Variants in BOLL observed in about 807,000 individuals in gnomAD.
BOLL encodes boule RNA binding protein.
A neutral mutation model predicts 44.4 loss-of-function variants in BOLL; 23 were observed. That is an observed-to-expected ratio of 0.52 (90% CI 0.37 to 0.73). The LOEUF is 0.73. BOLL is among the 30% of genes least tolerant of loss of function. The pLI is 0.00. For synonymous variants in BOLL, 97 were observed against 110.8 expected (o/e 0.88, Z 0.78); for missense variants, 287 against 338.3 (o/e 0.85, Z 1.19).
Position 197,771,853 on chromosome 2 carries a change from A to G in BOLL, c.480+2T>C. Reference sequence around the variant, plus strand: ...AATCCTTTTTTAAATGAAATTACTTACAGGCCAAGGCGGTGGGACCGAAGT... The same window carrying G: ...AATCCTTTTTTAAATGAAATTACTTGCAGGCCAAGGCGGTGGGACCGAAGT... On this transcript the variant is annotated splice_donor_variant, in intron 6 of 10. Transcript: ENST00000392296. LOFTEE classifies it high-confidence loss of function. The G allele has an allele frequency of 4.5e-6, 7 of 1,564,194 alleles. No homozygotes were observed. Among genetic ancestry groups the G allele is most frequent in the Non-Finnish European group, 6.0e-6 (7 of 1,160,022 alleles).
intron 1 of BOLL, among the ~76,000 whole-genome samples, chr2:197,783,148 T>C (rs1689882735): frequency 6.6e-6 from 1 of 152,136 alleles, no homozygotes; most frequent in African/African-American, 2.4e-5. Context: ...ATATCCTAAA[T>C]GTGTGCTTCA....
intron 6 of BOLL, among the ~76,000 whole-genome samples, chr2:197,769,497 C>G (rs1449678578): frequency 6.6e-6 from 1 of 152,024 alleles, no homozygotes; most frequent in African/African-American, 2.4e-5. Flanking sequence ...AAAGTTCTGG[C>G]CAGGGCAATC....
chr2:197,759,810 GC>G (rs1340637353), intron 7 of BOLL, among the ~76,000 whole-genome samples: 1 of 152,230 alleles, frequency 6.6e-6, no homozygotes, highest in Non-Finnish European at 1.5e-5. Context: ...CTGACATGCT[GC>G]CGGGATGGAA....
At chr2:197,763,429 C>T (rs1688852816) in intron 7 of BOLL, among the ~76,000 whole-genome samples, 1 of 140,170 alleles carries the variant, frequency 7.1e-6, no homozygotes, top group Non-Finnish European at 1.5e-5. Flanking sequence ...TTGCAGCGAG[C>T]AGAGATTGCA....
At chr2:197,757,431 A>T in intron 7 of BOLL, 31 bp from the exon 8 acceptor site, 1 of 1,586,590 alleles carries the variant, frequency 6.3e-7, no homozygotes, top group South Asian at 1.1e-5. Context: ...AGAAAAACCC[A>T]TTCTGATTAT....
intron 3 of BOLL, among the ~76,000 whole-genome samples, chr2:197,777,951 A>C (rs1215483351): frequency 1.3e-5 from 2 of 151,962 alleles, no homozygotes; most frequent in Non-Finnish European, 2.9e-5. Context: ...AACATTAAAA[A>C]GTTAAGGAAT....
chr2:197,743,229 C>A, intron 9 of BOLL, 70 bp from the exon 10 acceptor site: 1 of 1,106,338 alleles, frequency 9.0e-7, no homozygotes, highest in South Asian at 1.7e-5. Context: ...TCAGCATTTA[C>A]AATATACTAA....
chr2:197,730,639 AGAGAGTGGGGGCCAAT>A (rs1393846146), intron 10 of BOLL, among the ~76,000 whole-genome samples: 1 of 148,948 alleles, frequency 6.7e-6, no homozygotes, highest in Non-Finnish European at 1.5e-5. Context: ...ACAAGCCAGA[AGAGAGTGGGGGCCAAT>A]ATTCAACATT....
At position 197,728,454 on chromosome 2, in the gene BOLL, C is replaced by G; in HGVS notation, c.*101G>C. 6.3e-7 allele frequency: 1 copy of G among 1,576,738 alleles called. No individual in the cohort carries two copies. Among genetic ancestry groups the G allele is most frequent in the Non-Finnish European group, 8.7e-7 (1 of 1,147,308 alleles). On this transcript the variant is annotated 3_prime_UTR_variant, in exon 11 of 11. Transcript: ENST00000392296. Reference sequence around the variant, plus strand: ...AGGTATTAACTAACACTAAGTTTCACAACGGGCAGCTTCTAGCTGGTTCGT... The same window carrying G: ...AGGTATTAACTAACACTAAGTTTCAGAACGGGCAGCTTCTAGCTGGTTCGT...
chr2:197,768,060 C>T (rs1239898131), intron 6 of BOLL, among the ~76,000 whole-genome samples: 1 of 151,942 alleles, frequency 6.6e-6, no homozygotes, highest in Admixed American at 6.6e-5. Flanking sequence ...TAGATTATCA[C>T]TATTGAAAAA....
At chr2:197,754,955 C>T (rs1339661694) in intron 9 of BOLL, among the ~76,000 whole-genome samples, 1 of 152,124 alleles carries the variant, frequency 6.6e-6, no homozygotes, top group African/African-American at 2.4e-5. Flanking sequence ...TCAGAGTCAA[C>T]AGACAACCTA....
intron 9 of BOLL, among the ~76,000 whole-genome samples, chr2:197,745,593 C>T (rs1045338299): frequency 6.6e-6 from 1 of 152,102 alleles, no homozygotes; most frequent in Non-Finnish European, 1.5e-5. Flanking sequence ...AATGTAAAAG[C>T]ATTCTTATCT....
At chr2:197,773,719 G>A (rs1407126372) in intron 5 of BOLL, among the ~76,000 whole-genome samples, 2 of 151,856 alleles carry the variant, frequency 1.3e-5, no homozygotes, top group South Asian at 4.1e-4. Context: ...AGGCTACATG[G>A]CTAAAGCATG....
At chr2:197,736,079 C>T (rs1687470721) in intron 10 of BOLL, among the ~76,000 whole-genome samples, 1 of 152,088 alleles carries the variant, frequency 6.6e-6, no homozygotes, top group South Asian at 2.1e-4. Flanking sequence ...AACTATGCTA[C>T]TGTGGGCAAG....
intron 10 of BOLL, among the ~76,000 whole-genome samples, chr2:197,738,284 A>G (rs1440235197): frequency 6.6e-6 from 1 of 152,038 alleles, no homozygotes; most frequent in Admixed American, 6.6e-5. Context: ...GTCTCGCCAT[A>G]TTGCCAGGCT....
intron 7 of BOLL, among the ~76,000 whole-genome samples, chr2:197,763,639 C>A (rs1324092326): frequency 1.3e-5 from 2 of 152,062 alleles, no homozygotes; most frequent in African/African-American, 4.8e-5. Flanking sequence ...CCAAACTATT[C>A]CAAAAAATTG....
At chr2:197,782,142 A>T (rs185559473) in intron 1 of BOLL, among the ~76,000 whole-genome samples, 194 of 152,270 alleles carry the variant, frequency 1.3e-3, no homozygotes, top group African/African-American at 4.5e-3. Context: ...TTACTTAATT[A>T]TTAAGGGGAA....
rs539816949 is a variant in BOLL, at chr2:197,738,460, C to G, written c.828+4601G>C. Among the ~76,000 whole-genome samples the G allele has an allele frequency of 1.5e-4, 23 of 152,140 alleles. No homozygotes were observed. The East Asian group carries it at 4.4e-3, about 29-fold the overall frequency. ...TAGTATTATATTAATCTAGTTACCTCTATATTGGTCTGTTTTGTATTTATT... is the reference window on the plus strand; with the variant it reads ...TAGTATTATATTAATCTAGTTACCTGTATATTGGTCTGTTTTGTATTTATT... On this transcript the variant is annotated intron_variant, in intron 10 of 10. Coordinates refer to ENST00000392296, the MANE Select transcript of BOLL (RefSeq NM_033030.6).
chr2:197,758,914 A>G, intron 7 of BOLL: 1 of 1,525,284 alleles, frequency 6.6e-7, no homozygotes, highest in Non-Finnish European at 8.8e-7. Context: ...TTTTAGATCT[A>G]AATGTTAGCC....
Sources: allele counts gnomAD v4.1 joint callset (sites outside exome capture counted in the v4.1 genomes callset), GRCh38; gene constraint gnomAD v4.1.1; transcripts MANE v1.5; gene names NCBI Gene and HGNC (gene_info 2026-07-23, HGNC 2026-07-21).